Variants in AGFG1 observed in about 807,000 individuals in gnomAD.
AGFG1 encodes the protein arf-GAP domain and FG repeat-containing protein 1.
AGFG1 carries 10 observed loss-of-function variants against 60.6 expected under a neutral mutation model. That is an observed-to-expected ratio of 0.16 (90% CI 0.10 to 0.28). AGFG1 has a LOEUF of 0.28. Ranked by LOEUF, AGFG1 falls within the 10% of genes least tolerant of loss-of-function variation. The pLI is 1.00. For missense variants in AGFG1, 537 were observed against 676.5 expected (o/e 0.79, Z 2.29); for synonymous variants, 247 against 242.9 (o/e 1.02, Z -0.16).
rs969367230 is a variant in AGFG1, at chr2:227,559,773, G to C, written c.*5278G>C. ...GAGAGACAGAGGAAGCAAACGCCAA[G>C]GAGCCTTCTAATTTTGACTATATGA... On this transcript the variant is annotated 3_prime_UTR_variant, in exon 13 of 13. Coordinates refer to ENST00000310078, the MANE Select transcript of AGFG1 (RefSeq NM_004504.5). 6.6e-6 allele frequency: 1 copy of C among 152,106 alleles called. No homozygotes were observed. Among genetic ancestry groups the C allele is most frequent in the Non-Finnish European group, 1.5e-5 (1 of 67,982 alleles). The allele number at this position is 152,106 out of a possible 1,614,324, so 9.4% of individuals were successfully genotyped here.
At chr2:227,532,273 T>A (rs1692186729) in intron 6 of AGFG1, 1 of 1,233,154 alleles carries the variant, frequency 8.1e-7, no homozygotes, top group South Asian at 1.4e-5. Context: ...ACTTCAAGGG[T>A]TTTTCCAGTT....
At position 227,524,762 on chromosome 2, in the gene AGFG1, T is replaced by A. The variant is rs1452854967; in HGVS notation, c.541T>A (p.Ser181Thr). 6.2e-7 allele frequency: 1 copy of A among 1,613,940 alleles called. No individual in the cohort carries two copies. The highest frequency in any genetic ancestry group is 1.3e-5 in the African/African-American group (1 of 74,926). ...LHLNKGTPSQSPVVGRSQGQQ... is the reference protein window; with the variant it reads ...LHLNKGTPSQTPVVGRSQGQQ... ...TTTATAGTTAATATGTGGTTTGTAG[T>A]CCCCAGTTGTAGGTCGTTCTCAAGG... is the stretch of plus-strand genomic sequence containing the variant. Residue 181 changes from serine (S) to threonine (T), a missense_variant and splice_region_variant, in exon 5 of 13, where the codon TCC becomes ACC. Physicochemically the swap from Ser to Thr is moderately conservative, Grantham distance 58. Coordinates refer to ENST00000310078, the MANE Select transcript of AGFG1 (RefSeq NM_004504.5).
intron 2 of AGFG1, among the ~76,000 whole-genome samples, chr2:227,504,490 G>A (rs1421091763): frequency 1.3e-5 from 2 of 152,216 alleles, no homozygotes; most frequent in African/African-American, 4.8e-5. Flanking sequence ...ACTGTGCCCA[G>A]CCAACTTGGT....
At chr2:227,479,728 A>G (rs1690399060) in intron 1 of AGFG1, among the ~76,000 whole-genome samples, 1 of 152,206 alleles carries the variant, frequency 6.6e-6, no homozygotes. Flanking sequence ...TACAACTTGG[A>G]TACCTTTAAT....
chr2:227,527,355 G>T (rs1303013468), intron 5 of AGFG1, among the ~76,000 whole-genome samples: 1 of 152,082 alleles, frequency 6.6e-6, no homozygotes, highest in Non-Finnish European at 1.5e-5. Context: ...TCATATATAT[G>T]TACATACGTA....
chr2:227,522,862 C>T (rs950504400), intron 3 of AGFG1, among the ~76,000 whole-genome samples: 3 of 152,202 alleles, frequency 2.0e-5, no homozygotes, highest in Non-Finnish European at 2.9e-5. Context: ...TTTCTTGACT[C>T]GCCTCCTCAC....
At chr2:227,477,409 A>G (rs1156665380) in intron 1 of AGFG1, among the ~76,000 whole-genome samples, 1 of 152,256 alleles carries the variant, frequency 6.6e-6, no homozygotes, top group East Asian at 1.9e-4. Context: ...TTTAAGTTGT[A>G]AAATTAGTGC....
At chr2:227,486,892 T>A (rs1252198511) in intron 1 of AGFG1, among the ~76,000 whole-genome samples, 1 of 152,220 alleles carries the variant, frequency 6.6e-6, no homozygotes. Flanking sequence ...TACTGACATT[T>A]AGTGAGTAGA....
chr2:227,517,627 C>T (rs1409303617), intron 2 of AGFG1, among the ~76,000 whole-genome samples: 1 of 152,188 alleles, frequency 6.6e-6, no homozygotes, highest in African/African-American at 2.4e-5. Context: ...AAGGGCAAGT[C>T]CTTTCTCCTA....
At chr2:227,497,226 AT>A (rs916807908) in intron 2 of AGFG1, among the ~76,000 whole-genome samples, 1 of 149,068 alleles carries the variant, frequency 6.7e-6, no homozygotes, top group Non-Finnish European at 1.5e-5. Context: ...TTAAGGCAGT[AT>A]AAAAACAGGC....
intron 12 of AGFG1, 79 bp downstream of exon 12, chr2:227,553,874 TC>T: frequency 1.9e-6 from 2 of 1,061,106 alleles, no homozygotes; most frequent in East Asian, 2.6e-5. Flanking sequence ...ATGTTAATAT[TC>T]CTAGATGGTA....
chr2:227,506,912 T>C (rs543912488), intron 2 of AGFG1, among the ~76,000 whole-genome samples: 1 of 152,270 alleles, frequency 6.6e-6, no homozygotes, highest in South Asian at 2.1e-4. Flanking sequence ...AAACCGGTGG[T>C]TGGCTGTAGT....
At chr2:227,524,268 T>G (rs1271559768) in intron 4 of AGFG1, among the ~76,000 whole-genome samples, 1 of 152,028 alleles carries the variant, frequency 6.6e-6, no homozygotes, top group African/African-American at 2.4e-5. Context: ...CCATCAGAGT[T>G]AGAATGTATA....
chr2:227,491,349 A>G (rs1170971956), intron 1 of AGFG1, among the ~76,000 whole-genome samples, 198 bp from the exon 2 acceptor site: 1 of 152,170 alleles, frequency 6.6e-6, no homozygotes, highest in Non-Finnish European at 1.5e-5. Context: ...TAAGTCTATT[A>G]TTTAATGAGT....
At chr2:227,500,212 G>A (rs946153494) in intron 2 of AGFG1, among the ~76,000 whole-genome samples, 4 of 152,196 alleles carry the variant, frequency 2.6e-5, no homozygotes, top group African/African-American at 9.7e-5. Context: ...AGAACTTCTT[G>A]TTGATTTGGG....
chr2:227,491,967 A>G (rs1690832923), intron 2 of AGFG1, among the ~76,000 whole-genome samples: 1 of 152,142 alleles, frequency 6.6e-6, no homozygotes, highest in Non-Finnish European at 1.5e-5. Context: ...AAGAGAATTC[A>G]TTTTGTGATG....
chr2:227,550,466 A>G (rs1198777671), intron 10 of AGFG1, among the ~76,000 whole-genome samples: 1 of 152,074 alleles, frequency 6.6e-6, no homozygotes. Flanking sequence ...GGTTTTGCTT[A>G]ACTGTATTCA....
chr2:227,542,641 C>G (rs958925462), intron 10 of AGFG1, among the ~76,000 whole-genome samples: 1 of 152,134 alleles, frequency 6.6e-6, no homozygotes, highest in Admixed American at 6.5e-5. Context: ...GTGCCTTTGC[C>G]AGGCTTTGGT....
In AGFG1 at chr2:227,553,778, T is replaced by C; in HGVS notation, c.1612T>C (p.Ser538Pro). ...TGGTCAAGTTGCAGCTGCTGGAGTA[T>C]CTAGTAATCCTTTTATGGTAAGCAA... ...PFGQVAAAGV[S>P]SNPFMTGAPT... The change falls in exon 12 of 13, where the codon TCT (serine) becomes CCT (proline). Residue 538 changes from serine to proline, a missense_variant. By Grantham distance (74) the Ser-to-Pro change is moderately conservative. Transcript: ENST00000310078. The C allele has an allele frequency of 3.7e-6, 6 of 1,613,436 alleles. No homozygotes were observed. Among genetic ancestry groups the C allele is most frequent in the Non-Finnish European group, 5.1e-6 (6 of 1,179,510 alleles).
Sources: gnomAD v4.1 joint callset for allele counts (sites outside exome capture counted in the v4.1 genomes callset) on GRCh38, gnomAD v4.1.1 for gene constraint, MANE v1.5 for transcripts, NCBI Gene and HGNC (gene_info 2026-07-23, HGNC 2026-07-21) for gene names.